The following ZNF407 variants were observed in gnomAD, a reference collection of about 807,000 sequenced individuals.
ZNF407 encodes zinc finger protein 407.
Under a neutral mutation model 131.2 loss-of-function variants are expected in ZNF407, and 17 were observed. The ratio of observed to expected loss-of-function variants is 0.13; its 90% CI spans 0.09 to 0.19. The LOEUF (loss-of-function observed/expected upper bound fraction) is 0.19, where lower values mean the gene tolerates loss of function less well. ZNF407 is among the 10% of genes least tolerant of loss of function. ZNF407 has a pLI of 1.00. For missense variants in ZNF407, 2,681 were observed against 2,830.6 expected, an observed-to-expected ratio of 0.95 and a Z score of 1.20; for synonymous variants, 1,156 against 1,062.0, an observed-to-expected ratio of 1.09 and a Z score of -1.72.
At chr18:74,960,363 G>A (rs898776150) in intron 8 of ZNF407, among the ~76,000 whole-genome samples, 1 of 145,686 alleles carries the variant, frequency 6.9e-6, no homozygotes, top group Non-Finnish European at 1.5e-5. Context: ...AAGGTCCTGA[G>A]TGAGTGCTTG....
intron 3 of ZNF407, among the ~76,000 whole-genome samples, chr18:74,775,645 T>C (rs900006063): frequency 3.3e-5 from 5 of 152,194 alleles, no homozygotes; most frequent in African/African-American, 9.6e-5. Context: ...AAAATTCCCA[T>C]GTTGATACCT....
At chr18:75,043,693 G>A (rs1973399914) in intron 8 of ZNF407, among the ~76,000 whole-genome samples, 1 of 152,198 alleles carries the variant, frequency 6.6e-6, no homozygotes, top group Non-Finnish European at 1.5e-5. Context: ...GTTTGGGTTT[G>A]CTTCTGTAGC....
chr18:75,002,156 A>C (rs1267793531), intron 8 of ZNF407, among the ~76,000 whole-genome samples: 1 of 152,312 alleles, frequency 6.6e-6, no homozygotes, highest in African/African-American at 2.4e-5. Flanking sequence ...AAAAGGGCTT[A>C]TGTGTTTTTA....
At chr18:74,804,249 G>T in intron 4 of ZNF407, 1 of 1,200,206 alleles carries the variant, frequency 8.3e-7, no homozygotes, top group Non-Finnish European at 1.0e-6. Context: ...GGAAGGAACT[G>T]TTATTTTAAA....
intron 8 of ZNF407, among the ~76,000 whole-genome samples, chr18:74,934,782 G>A (rs759692039): frequency 6.6e-6 from 1 of 152,192 alleles, no homozygotes; most frequent in Non-Finnish European, 1.5e-5. Flanking sequence ...CTCCAGCCTG[G>A]GCGACAGAGC....
chr18:74,753,740 C>T (rs1041198867), intron 3 of ZNF407, among the ~76,000 whole-genome samples: 2 of 152,152 alleles, frequency 1.3e-5, no homozygotes, highest in Non-Finnish European at 2.9e-5. Context: ...TGATATGCTG[C>T]TGGATTTGTT....
At chr18:74,779,103 A>ATTTTT (rs1969538914) in intron 3 of ZNF407, among the ~76,000 whole-genome samples, 2 of 26,908 alleles carry the variant, frequency 7.4e-5, no homozygotes, top group Non-Finnish European at 1.5e-4. Flanking sequence ...ATATATATAT[A>ATTTTT]TATATATTTT....
chr18:74,901,883 A>G (rs1377830501), intron 7 of ZNF407, among the ~76,000 whole-genome samples: 1 of 150,804 alleles, frequency 6.6e-6, no homozygotes, highest in Non-Finnish European at 1.5e-5. Context: ...TGTAAAAAAG[A>G]GTCAACACAA....
At chr18:75,021,762 G>A (rs898344413) in intron 8 of ZNF407, among the ~76,000 whole-genome samples, 26 of 151,712 alleles carry the variant, frequency 1.7e-4, no homozygotes, top group African/African-American at 4.6e-4. Flanking sequence ...AATTCTATAC[G>A]GAAATAAAAT....
rs140645323 is a variant in ZNF407 at position 75,013,689 on chromosome 18, C to G, written c.5429-49461C>G. ...AAAGGCAGCAAAGTTACGTATACCA[C>G]CAGCCTGCTTGTGCCCGTGTTCTCT... On this transcript the variant is annotated intron_variant, in intron 8 of 8. Coordinates refer to ENST00000299687, the MANE Select transcript of ZNF407 (RefSeq NM_017757.3). Among the ~76,000 whole-genome samples the G allele has an allele frequency of 2.2e-3, 333 of 152,194 alleles. 2 individuals carry two copies. The highest frequency in any genetic ancestry group is 7.3e-3 in the African/African-American group (302 of 41,538).
chr18:75,043,382 G>T (rs1973396126), intron 8 of ZNF407, among the ~76,000 whole-genome samples: 1 of 152,216 alleles, frequency 6.6e-6, no homozygotes, highest in Non-Finnish European at 1.5e-5. Context: ...CACAGGTCAT[G>T]TGCATGCCCA....
rs1159801694 is a variant in ZNF407, at chr18:75,056,658, C to T, written c.5429-6492C>T. On this transcript the variant is annotated intron_variant, in intron 8 of 8. Coordinates refer to ENST00000299687, the MANE Select transcript of ZNF407 (RefSeq NM_017757.3). ...CCAGAGTCCAGTGGGAGCTCTGTAA[C>T]AGGACATCTTGCATAATGCCAGGGA... Among the ~76,000 whole-genome samples, 3 of 152,198 alleles carry T rather than the reference C, an allele frequency of 2.0e-5. 1 individual carries two copies. Among genetic ancestry groups the T allele is most frequent in the African/African-American group, 7.2e-5 (3 of 41,450 alleles).
In ZNF407 at chr18:75,064,147, C is replaced by A. The variant is rs769524457; in HGVS notation, c.6426C>A (p.Ile2142=). The change falls in exon 9 of 9, where the codon ATC becomes ATA. Residue 2142 remains isoleucine (I), a synonymous_variant. Coordinates refer to ENST00000299687, the MANE Select transcript of ZNF407 (RefSeq NM_017757.3). Reference sequence around the variant, plus strand: ...ATCTGGTGGAGTCCGACGGGGAGATCTCGCAGATCATCGTGACGGAGGAGC... The same window carrying A: ...ATCTGGTGGAGTCCGACGGGGAGATATCGCAGATCATCGTGACGGAGGAGC... ...HMDLVESDGE[I]SQIIVTEELV... is the part of the protein sequence containing the mutation. 13 of 1,603,396 alleles carry A rather than the reference C, an allele frequency of 8.1e-6. No individual in the cohort carries two copies. The highest frequency in any genetic ancestry group is 1.1e-5 in the Non-Finnish European group (13 of 1,175,180).
At chr18:74,730,465 T>C (rs1055349690) in intron 3 of ZNF407, among the ~76,000 whole-genome samples, 35 of 152,192 alleles carry the variant, frequency 2.3e-4, no homozygotes, top group African/African-American at 8.0e-4. Flanking sequence ...ATTGCTGCCT[T>C]GTGTCCTGTC....
intron 8 of ZNF407, among the ~76,000 whole-genome samples, chr18:74,950,921 G>T (rs1310155045): frequency 6.6e-6 from 1 of 152,150 alleles, no homozygotes; most frequent in Non-Finnish European, 1.5e-5. Flanking sequence ...TTTTGCTACT[G>T]CCTTTACTGG....
At chr18:74,854,728 CAT>C (rs893501847) in intron 4 of ZNF407, among the ~76,000 whole-genome samples, 1 of 152,058 alleles carries the variant, frequency 6.6e-6, no homozygotes, top group Non-Finnish European at 1.5e-5. Flanking sequence ...GACACACACA[CAT>C]AGCCTATATA....
At chr18:74,622,383 C>G (rs569524699) in intron 1 of ZNF407, among the ~76,000 whole-genome samples, 1 of 152,376 alleles carries the variant, frequency 6.6e-6, no homozygotes, top group Admixed American at 6.5e-5. Flanking sequence ...CCTTGCGCAG[C>G]CATTGCCCTT....
At chr18:74,804,175 A>G (rs1970071654) in intron 4 of ZNF407, 42 of 1,404,584 alleles carry the variant, frequency 3.0e-5, no homozygotes, top group Non-Finnish European at 3.8e-5. Context: ...ACTTCTTTGC[A>G]TACTTGAATT....
intron 8 of ZNF407, among the ~76,000 whole-genome samples, chr18:74,982,920 C>G (rs1469040827): frequency 6.6e-6 from 1 of 152,088 alleles, no homozygotes; most frequent in East Asian, 1.9e-4. Context: ...CATTGTTATT[C>G]CTGAAAGGCT....
Sources: gnomAD v4.1 joint callset for allele counts (sites outside exome capture counted in the v4.1 genomes callset) on GRCh38, gnomAD v4.1.1 for gene constraint, MANE v1.5 for transcripts, NCBI Gene and HGNC (gene_info 2026-07-23, HGNC 2026-07-21) for gene names.